LIPK: variants seen among roughly 807,000 people sequenced by gnomAD.
LIPK encodes lipase member K.
LIPK carries 32 observed loss-of-function variants against 48.6 expected under a neutral mutation model. The observed-to-expected ratio is 0.66, with a 90% confidence interval of 0.50 to 0.88. The LOEUF (loss-of-function observed/expected upper bound fraction) is 0.88. LIPK is among the 40% of genes least tolerant of loss of function. The pLI is 0.00. For synonymous variants in LIPK, 164 were observed against 157.4 expected (o/e 1.04, Z -0.32); for missense variants, 507 against 478.5 (o/e 1.06, Z -0.56).
intron 1 of LIPK, among the ~76,000 whole-genome samples, chr10:88,718,040 T>A (rs917218950): frequency 6.6e-6 from 1 of 151,930 alleles, no homozygotes; most frequent in Non-Finnish European, 1.5e-5. Flanking sequence ...GTAATATCGA[T>A]TCATTATAAA....
chr10:88,713,199 C>T (rs1842055249), intron 1 of LIPK, among the ~76,000 whole-genome samples: 1 of 152,166 alleles, frequency 6.6e-6, no homozygotes, highest in African/African-American at 2.4e-5. Flanking sequence ...ATGAGTTCCA[C>T]TTTCTGTACA....
At chr10:88,744,433 C>A (rs1842734829) in intron 9 of LIPK, among the ~76,000 whole-genome samples, 1 of 152,208 alleles carries the variant, frequency 6.6e-6, no homozygotes, top group Non-Finnish European at 1.5e-5. Flanking sequence ...AACATCTCAG[C>A]CTCTCCAGTG....
chr10:88,752,367 T>G, intron 9 of LIPK, 150 bp from the exon 10 acceptor site: 2 of 556,132 alleles, frequency 3.6e-6, no homozygotes, highest in Non-Finnish European at 6.3e-6. Context: ...TTCAAGTATT[T>G]TTAACATTTT....
intron 1 of LIPK, among the ~76,000 whole-genome samples, chr10:88,718,877 CAG>C (rs1451711372): frequency 6.6e-6 from 1 of 151,960 alleles, no homozygotes; most frequent in Non-Finnish European, 1.5e-5. Flanking sequence ...AATAAGTAAA[CAG>C]AAATTCTTGG....
chr10:88,740,481 T>C (rs145148112), intron 8 of LIPK, among the ~76,000 whole-genome samples: 49 of 152,362 alleles, frequency 3.2e-4, no homozygotes, highest in African/African-American at 1.2e-3. Context: ...GAAGATTGAA[T>C]GCTAGGGAAG....
intron 1 of LIPK, among the ~76,000 whole-genome samples, chr10:88,715,412 T>A (rs1234135215): frequency 6.6e-6 from 1 of 152,164 alleles, no homozygotes; most frequent in African/African-American, 2.4e-5. Flanking sequence ...TTGACTCTGA[T>A]AATGTTCATT....
chr10:88,740,179 A>G, intron 8 of LIPK, 112 bp downstream of exon 8: 2 of 590,556 alleles, frequency 3.4e-6, no homozygotes, highest in South Asian at 2.9e-5. Flanking sequence ...TGCCACATTG[A>G]TGTTTTTGGA....
rs961288060 is a variant in LIPK at position 88,709,867 on chromosome 10, C to T, written c.-12+3547C>T. Among the ~76,000 whole-genome samples, 3 of 152,018 alleles carry T rather than the reference C, an allele frequency of 2.0e-5. No individual in the cohort carries two copies. In the South Asian group the frequency reaches 6.2e-4, roughly 32 times the overall value. On this transcript the variant is annotated intron_variant, in intron 1 of 9. Coordinates refer to ENST00000404190, the MANE Select transcript of LIPK (RefSeq NM_001080518.2). ...TCCTTTGCAAAGTTAGAAAAGGAGA[C>T]CCTGCTTCAAACCAGAAATTCTCAG...
chr10:88,726,711 A>G (rs865969661), intron 2 of LIPK, 84 bp from the exon 3 acceptor site: 3 of 741,228 alleles, frequency 4.0e-6, no homozygotes, highest in Middle Eastern at 5.4e-4. Flanking sequence ...AAACAAACAG[A>G]CAAATAAAGT....
intron 3 of LIPK, chr10:88,728,029 C>A: frequency 2.7e-6 from 1 of 366,680 alleles, no homozygotes; most frequent in South Asian, 2.5e-5. Context: ...CATGCAGGGG[C>A]TGGTGGAGGA....
chr10:88,736,302 A>C (rs78915488), intron 6 of LIPK, among the ~76,000 whole-genome samples: 470 of 152,330 alleles, frequency 3.1e-3, no homozygotes, highest in African/African-American at 0.011. Flanking sequence ...GAAAGTAATA[A>C]TAAGCCTTGT....
chr10:88,744,933 C>A (rs1842741237), intron 9 of LIPK, among the ~76,000 whole-genome samples: 1 of 152,090 alleles, frequency 6.6e-6, no homozygotes, highest in Admixed American at 6.6e-5. Context: ...TAAGAAATAA[C>A]CAAATTGATC....
intron 1 of LIPK, among the ~76,000 whole-genome samples, chr10:88,723,750 CTATAAT>C (rs1250882590): frequency 6.6e-6 from 1 of 151,718 alleles, no homozygotes; most frequent in Non-Finnish European, 1.5e-5. Flanking sequence ...CTAGATATAA[CTATAAT>C]TAAAATTTGA....
At chr10:88,714,523 AT>A (rs780839173) in intron 1 of LIPK, among the ~76,000 whole-genome samples, 87 of 152,248 alleles carry the variant, frequency 5.7e-4, no homozygotes, top group Non-Finnish European at 1.2e-3. Context: ...TGGATCTGTA[AT>A]TTTTGTCCAT....
rs776964608 is a variant in LIPK, at chr10:88,737,643, T to C, written c.678T>C (p.Phe226=). 1 of 1,613,492 alleles carries C rather than the reference T, an allele frequency of 6.2e-7. No homozygotes were observed. The highest frequency in any genetic ancestry group is 8.5e-7 in the Non-Finnish European group (1 of 1,179,586). Residue 226 remains phenylalanine, a synonymous_variant, in exon 7 of 10, where the codon TTT becomes TTC. Coordinates refer to ENST00000404190, the MANE Select transcript of LIPK (RefSeq NM_001080518.2). ...TLSRRVVKVL[F]GDKMFHPHTL... is the part of the protein sequence containing the mutation. ...TTTAAATTATCTTGTAGGTGTTGTTTGGTGACAAAATGTTCCACCCTCATA... is the reference window on the plus strand; with the variant it reads ...TTTAAATTATCTTGTAGGTGTTGTTCGGTGACAAAATGTTCCACCCTCATA...
intron 7 of LIPK, among the ~76,000 whole-genome samples, 187 bp from the exon 8 acceptor site, chr10:88,739,809 T>C (rs381963): frequency 0.22 from 33,039 of 151,552 alleles, 3,762 homozygotes; most frequent in East Asian, 0.37. Context: ...GAGCTGAGAT[T>C]GCACCACTGC....
chr10:88,709,635 ATT>A (rs879711268), intron 1 of LIPK, among the ~76,000 whole-genome samples: 4 of 144,094 alleles, frequency 2.8e-5, no homozygotes, highest in African/African-American at 2.5e-5. Flanking sequence ...TCCTCTTTCT[ATT>A]TTTTTTTTTT....
chr10:88,712,562 T>C (rs1354003333), intron 1 of LIPK, among the ~76,000 whole-genome samples: 1 of 152,194 alleles, frequency 6.6e-6, no homozygotes, highest in Admixed American at 6.5e-5. Flanking sequence ...ATATTCTTTG[T>C]GAAAGTCATA....
intron 6 of LIPK, among the ~76,000 whole-genome samples, chr10:88,735,249 C>A (rs1842548089): frequency 6.6e-6 from 1 of 152,196 alleles, no homozygotes; most frequent in Non-Finnish European, 1.5e-5. Flanking sequence ...TTCCTCACCT[C>A]CCATTTTGCC....
Sources: gnomAD v4.1 joint callset for allele counts (sites outside exome capture counted in the v4.1 genomes callset) on GRCh38, gnomAD v4.1.1 for gene constraint, MANE v1.5 for transcripts, NCBI Gene and HGNC (gene_info 2026-07-23, HGNC 2026-07-21) for gene names.